THSD7B: variants seen among roughly 807,000 people sequenced by gnomAD.
The protein encoded by THSD7B is thrombospondin type-1 domain-containing protein 7B.
Under a neutral mutation model 213.6 loss-of-function variants are expected in THSD7B, and 138 were observed. The ratio of observed to expected loss-of-function variants is 0.65; its 90% confidence interval spans 0.56 to 0.74. THSD7B has a LOEUF of 0.74. Among genes scored for constraint, THSD7B ranks in the 30% least tolerant of loss-of-function variants. The probability of loss-of-function intolerance (pLI) is 0.00; values close to 1 mark genes in which losing one functional copy is unlikely to be tolerated. For synonymous variants in THSD7B, 742 were observed against 687.0 expected, an observed-to-expected ratio of 1.08 and a Z score of -1.25; for missense variants, 1,931 against 1,991.5, an observed-to-expected ratio of 0.97 and a Z score of 0.58.
At chr2:137,351,824 T>G (rs889094657) in intron 12 of THSD7B, among the ~76,000 whole-genome samples, 1 of 151,898 alleles carries the variant, frequency 6.6e-6, no homozygotes, top group African/African-American at 2.4e-5. Context: ...AGTTTTCTTT[T>G]AGTCCTCCCT....
chr2:136,890,859 A>AT (rs144307389), intron 2 of THSD7B, among the ~76,000 whole-genome samples: 3,507 of 148,092 alleles, frequency 0.024, 126 homozygotes, highest in African/African-American at 0.081. Flanking sequence ...CACTTCTGAG[A>AT]TTTTTTTTTT....
At chr2:137,246,717 A>G (rs1250636801) in intron 10 of THSD7B, among the ~76,000 whole-genome samples, 1 of 151,610 alleles carries the variant, frequency 6.6e-6, no homozygotes, top group African/African-American at 2.4e-5. Context: ...CTAATTCTTC[A>G]GTCCCTGTAA....
intron 15 of THSD7B, among the ~76,000 whole-genome samples, chr2:137,493,754 CT>C (rs1486789657): frequency 6.6e-6 from 1 of 152,084 alleles, no homozygotes; most frequent in Admixed American, 6.5e-5. Context: ...GTGTTATCCC[CT>C]GCTCCTATTT....
intron 15 of THSD7B, among the ~76,000 whole-genome samples, chr2:137,540,514 T>C (rs1231988443): frequency 6.6e-6 from 1 of 151,552 alleles, no homozygotes; most frequent in Non-Finnish European, 1.5e-5. Context: ...ACACCTAGCA[T>C]TTTGGAAGCC....
chr2:137,283,741 A>G lies in THSD7B; in HGVS notation c.2500+7715A>G, dbSNP rs370264152. 1.2e-4 allele frequency among the ~76,000 whole-genome samples: 19 copies of G among 152,006 alleles called. No homozygotes were observed. The South Asian group carries it at 2.4e-3, about 19-fold the overall frequency. ...TGTTGAACCAGCCTTGCATCCCAGG[A>G]ATGAAGCCCACTTGATCATGGTGGA... On this transcript the variant is annotated intron_variant, in intron 12 of 27. Transcript: ENST00000409968.
intron 12 of THSD7B, among the ~76,000 whole-genome samples, chr2:137,369,161 A>T (rs988655217): frequency 6.7e-6 from 1 of 150,318 alleles, no homozygotes; most frequent in African/African-American, 2.5e-5. Context: ...ATATATATAT[A>T]TATATATTTT....
intron 5 of THSD7B, among the ~76,000 whole-genome samples, chr2:137,122,112 T>C (rs372784455): frequency 6.6e-6 from 1 of 152,204 alleles, no homozygotes; most frequent in Non-Finnish European, 1.5e-5. Flanking sequence ...CCAGTAGTTT[T>C]GGGCTAAGGC....
chr2:137,639,701 C>T (rs754222808), intron 20 of THSD7B, among the ~76,000 whole-genome samples: 11 of 152,246 alleles, frequency 7.2e-5, no homozygotes, highest in South Asian at 2.1e-4. Context: ...CCACCTTTTG[C>T]GTCAGTGTGA....
At chr2:137,154,788 A>G (rs1289702223) in intron 5 of THSD7B, among the ~76,000 whole-genome samples, 1 of 152,204 alleles carries the variant, frequency 6.6e-6, no homozygotes, top group Non-Finnish European at 1.5e-5. Context: ...ATGAATTTGT[A>G]TGCTCATCTG....
chr2:137,374,165 GGA>G (rs150018963), intron 12 of THSD7B, among the ~76,000 whole-genome samples: 12 of 151,416 alleles, frequency 7.9e-5, no homozygotes, highest in Admixed American at 6.6e-4. Flanking sequence ...AGGGAGGGAG[GGA>G]GAGAGAGAGA....
At chr2:136,766,478 T>C (rs12477569) in intron 1 of THSD7B, among the ~76,000 whole-genome samples, 23,082 of 152,116 alleles carry the variant, frequency 0.15, 2,024 homozygotes, top group East Asian at 0.28. Context: ...CTGTCTTACA[T>C]GTCCCATAGT....
chr2:137,365,610 C>T (rs898588139), intron 12 of THSD7B, among the ~76,000 whole-genome samples: 7 of 152,226 alleles, frequency 4.6e-5, no homozygotes, highest in African/African-American at 1.7e-4. Flanking sequence ...CAAAAGAAGA[C>T]ATTTATGCAG....
intron 15 of THSD7B, among the ~76,000 whole-genome samples, chr2:137,531,649 T>G (rs1217505091): frequency 2.0e-5 from 3 of 152,010 alleles, no homozygotes; most frequent in Admixed American, 6.6e-5. Context: ...CAGTTACACC[T>G]GCAGTTAGCT....
At chr2:136,890,315 T>C (rs1445530524) in intron 2 of THSD7B, among the ~76,000 whole-genome samples, 56 of 682 alleles carry the variant, frequency 0.082, 1 homozygote, top group Non-Finnish European at 0.19. Context: ...TTCTTCTTCT[T>C]CTTCTTCTTC....
chr2:137,582,904 G>A (rs1319345442), intron 17 of THSD7B, among the ~76,000 whole-genome samples: 1 of 152,124 alleles, frequency 6.6e-6, no homozygotes, highest in Non-Finnish European at 1.5e-5. Context: ...AGATCCCTGA[G>A]GAATCACCAC....
At chr2:136,997,537 C>T (rs1364298820) in intron 2 of THSD7B, among the ~76,000 whole-genome samples, 7 of 152,088 alleles carry the variant, frequency 4.6e-5, no homozygotes, top group African/African-American at 1.7e-4. Flanking sequence ...TAACTTCATT[C>T]ATATTGGAAA....
chr2:137,508,312 T>G (rs1679881720), intron 15 of THSD7B, among the ~76,000 whole-genome samples: 1 of 151,556 alleles, frequency 6.6e-6, no homozygotes. Context: ...ACACTCAGGC[T>G]CACTGCATTC....
At chr2:136,782,976 T>G (rs1681770701) in intron 1 of THSD7B, among the ~76,000 whole-genome samples, 1 of 152,254 alleles carries the variant, frequency 6.6e-6, no homozygotes, top group Non-Finnish European at 1.5e-5. Context: ...AATTGTTCCC[T>G]AATATATGAA....
chr2:137,395,256 T>G (rs1013032667), intron 12 of THSD7B, among the ~76,000 whole-genome samples: 2 of 146,796 alleles, frequency 1.4e-5, no homozygotes, highest in African/African-American at 5.0e-5. Context: ...TCAAAGGGAA[T>G]GCTTCCAGTT....
Sources: gnomAD v4.1 joint callset for allele counts (sites outside exome capture counted in the v4.1 genomes callset) on GRCh38, gnomAD v4.1.1 for gene constraint, MANE v1.5 for transcripts, NCBI Gene and HGNC (gene_info 2026-07-23, HGNC 2026-07-21) for gene names.